The following CLOCK variants were observed in gnomAD, a reference collection of about 807,000 sequenced individuals.
CLOCK encodes the protein clock circadian regulator.
In CLOCK, 43 loss-of-function variants were observed where a neutral mutation model predicts 118.4. That is an observed-to-expected ratio of 0.36 (90% CI 0.28 to 0.47). CLOCK has a LOEUF of 0.47. Ranked by LOEUF, CLOCK falls within the 20% of genes least tolerant of loss-of-function variation. CLOCK has a pLI of 1.00. For missense variants in CLOCK, 846 were observed against 999.9 expected (o/e 0.85, Z 2.08); for synonymous variants, 326 against 339.2 (o/e 0.96, Z 0.43).
In CLOCK at chr4:55,442,652, A is replaced by G; in HGVS notation, c.1903-18T>C. ...TGTTGACTCTGTTAAAAATAAAGAG[A>G]TTTTATAGACAGATTAACTGAAAAT... On this transcript the variant is annotated intron_variant, in intron 20 of 22. Transcript: ENST00000513440. 6.3e-7 allele frequency: 1 copy of G among 1,591,818 alleles called. No homozygotes were observed. The highest frequency in any genetic ancestry group is 8.6e-7 in the Non-Finnish European group (1 of 1,160,658).
chr4:55,458,928 T>TAC lies in CLOCK; in HGVS notation c.754_755dup (p.Ala253Ter). 6.2e-7 allele frequency: 1 copy of TAC among 1,613,752 alleles called. No individual in the cohort carries two copies. The highest frequency in any genetic ancestry group is 8.5e-7 in the Non-Finnish European group (1 of 1,179,784). The stretch of plus-strand genomic sequence containing the variant: ...GAGGTGTAGCTAACCTGACAGTAGC[T>TAC]ACAAAACAAACTCTATCTTCATAAG... On this transcript the variant is annotated frameshift_variant, in exon 11 of 23. Coordinates refer to ENST00000513440, the MANE Select transcript of CLOCK (RefSeq NM_004898.4). LOFTEE classifies it high-confidence loss of function.
At chr4:55,460,362 G>A (rs1472634403) in intron 9 of CLOCK, among the ~76,000 whole-genome samples, 1 of 152,176 alleles carries the variant, frequency 6.6e-6, no homozygotes, top group Non-Finnish European at 1.5e-5. Context: ...CCTATCATTT[G>A]CTTTCAGGAC....
At chr4:55,440,490 T>C (rs1051391931) in intron 21 of CLOCK, among the ~76,000 whole-genome samples, 4 of 152,226 alleles carry the variant, frequency 2.6e-5, no homozygotes, top group Admixed American at 6.5e-5. Flanking sequence ...ATGACATAAC[T>C]GTATTTACAA....
In CLOCK at chr4:55,453,839, G is replaced by C; in HGVS notation, c.983-15C>G. On this transcript the variant is annotated splice_polypyrimidine_tract_variant and intron_variant, in intron 13 of 22. Coordinates refer to ENST00000513440, the MANE Select transcript of CLOCK (RefSeq NM_004898.4). ...ATATTGCATTACTAAAAGGAAAATA[G>C]AGAAATATTTTTTCTTTAATTCATA... 6.4e-7 allele frequency: 1 copy of C among 1,564,898 alleles called. No homozygotes were observed. Among genetic ancestry groups the C allele is most frequent in the Middle Eastern group, 1.7e-4 (1 of 5,904 alleles).
chr4:55,443,391 C>T (rs1011541201), intron 20 of CLOCK, among the ~76,000 whole-genome samples: 8 of 150,996 alleles, frequency 5.3e-5, no homozygotes, highest in African/African-American at 1.7e-4. Context: ...AGGAGAATCG[C>T]TTCAACCCAG....
chr4:55,509,912 C>A lies in CLOCK; in HGVS notation c.-136G>T, dbSNP rs1729033554. 3 of 152,018 alleles carry A rather than the reference C, an allele frequency of 2.0e-5. No individual in the cohort carries two copies. The highest frequency in any genetic ancestry group is 4.4e-5 in the Non-Finnish European group (3 of 68,000). The allele number at this position is 152,018 out of a possible 1,614,324, so 9.4% of individuals were successfully genotyped here. On this transcript the variant is annotated splice_region_variant and 5_prime_UTR_variant, in exon 2 of 23. Transcript: ENST00000513440. ...GGGAAAAGAAACAAAGATAGCATAC[C>A]TTTGAGCTCAAAATGATGATTGAAG...
In CLOCK at chr4:55,438,353, C is replaced by T; in HGVS notation, c.2290G>A (p.Glu764Lys). ...TGCTGAACTGAAGTGAGCTGCTGCT[C>T]CTGGGAGCTCTGCTGCTGCTGCTGC... ...TQQQQQQSSQEQQLTSVQQPS... is the reference protein window; with the variant it reads ...TQQQQQQSSQKQQLTSVQQPS... Residue 764 changes from glutamate to lysine, a missense_variant, in exon 22 of 23, where the codon GAG (glutamate) becomes AAG (lysine). Physicochemically the swap from Glu to Lys is moderately conservative, Grantham distance 56. Around this residue, in one of 4 missense-constraint regions of CLOCK, gnomAD observed 520 missense variants for 558.0 expected, o/e 0.93. Transcript: ENST00000513440. The T allele has an allele frequency of 1.9e-6, 3 of 1,613,960 alleles. No homozygotes were observed. The highest frequency in any genetic ancestry group is 2.5e-6 in the Non-Finnish European group (3 of 1,179,994).
At chr4:55,480,661 C>G (rs911403475) in intron 4 of CLOCK, among the ~76,000 whole-genome samples, 1 of 152,090 alleles carries the variant, frequency 6.6e-6, no homozygotes, top group African/African-American at 2.4e-5. Context: ...GAGGCCGAGG[C>G]GGGCGGATCA....
chr4:55,432,033 TAACA>T lies in CLOCK; in HGVS notation c.*3378_*3381del, dbSNP rs1445559066. Reference sequence around the variant, plus strand: ...TCACTATTTTGCACTGAATGTTCTATAACAAACTATTCCAAATCACTGGCATCTT... The same window carrying T: ...TCACTATTTTGCACTGAATGTTCTATAACTATTCCAAATCACTGGCATCTT... On this transcript the variant is annotated 3_prime_UTR_variant, in exon 23 of 23. Transcript: ENST00000513440. The T allele has an allele frequency of 6.6e-6, 1 of 152,218 alleles. No individual in the cohort carries two copies. The highest frequency in any genetic ancestry group is 1.5e-5 in the Non-Finnish European group (1 of 68,042). The allele number at this position is 152,218 out of a possible 1,614,324, so 9.4% of individuals were successfully genotyped here.
At chr4:55,458,077 C>T (rs929627511) in intron 11 of CLOCK, among the ~76,000 whole-genome samples, 4 of 152,074 alleles carry the variant, frequency 2.6e-5, no homozygotes. Context: ...TGATGTCCCC[C>T]CAAATTTATT....
intron 3 of CLOCK, among the ~76,000 whole-genome samples, chr4:55,488,514 T>C (rs1727459051): frequency 6.6e-6 from 1 of 152,214 alleles, no homozygotes; most frequent in Non-Finnish European, 1.5e-5. Flanking sequence ...CTGATCTCCA[T>C]ATATTCTCCC....
At chr4:55,440,848 C>A (rs1028693256) in intron 21 of CLOCK, among the ~76,000 whole-genome samples, 3 of 152,154 alleles carry the variant, frequency 2.0e-5, no homozygotes, top group Non-Finnish European at 4.4e-5. Context: ...CCATGCCACA[C>A]CCACATCCAA....
chr4:55,488,536 G>A (rs1727462531), intron 3 of CLOCK, among the ~76,000 whole-genome samples: 1 of 152,062 alleles, frequency 6.6e-6, no homozygotes, highest in Non-Finnish European at 1.5e-5. Flanking sequence ...ATCATTTACT[G>A]TATTCCAGTC....
chr4:55,442,198 TATA>T (rs1723425572), intron 21 of CLOCK: 1 of 521,714 alleles, frequency 1.9e-6, no homozygotes, highest in South Asian at 2.3e-5. Flanking sequence ...ATTTGTATTC[TATA>T]ATATTTTGTA....
At chr4:55,464,299 A>T (rs1185517239) in intron 8 of CLOCK, among the ~76,000 whole-genome samples, 1 of 152,288 alleles carries the variant, frequency 6.6e-6, no homozygotes, top group East Asian at 1.9e-4. Context: ...CCTTGTGTTT[A>T]GTTATCCCCC....
chr4:55,433,162 A>G lies in CLOCK; in HGVS notation c.*2253T>C, dbSNP rs1722634185. On this transcript the variant is annotated 3_prime_UTR_variant, in exon 23 of 23. Transcript: ENST00000513440. The stretch of plus-strand genomic sequence containing the variant: ...AGGGGAGAAGAACAATGCTATTGCC[A>G]TATTCCACAACATCCCCCTTGTCTG... 1 of 152,676 alleles carries G rather than the reference A, an allele frequency of 6.5e-6. No homozygotes were observed. The highest frequency in any genetic ancestry group is 6.5e-5 in the Admixed American group (1 of 15,286). The allele number at this position is 152,676 out of a possible 1,614,324, so 9.5% of individuals were successfully genotyped here. A position where few individuals can be genotyped will look rare whatever the true frequency, so the allele number is the denominator to read the frequency against.
At chr4:55,474,493 C>T (rs956344111) in intron 7 of CLOCK, among the ~76,000 whole-genome samples, 1 of 152,190 alleles carries the variant, frequency 6.6e-6, no homozygotes, top group African/African-American at 2.4e-5. Flanking sequence ...GGTCGCTACA[C>T]TAGATACCAG....
intron 8 of CLOCK, among the ~76,000 whole-genome samples, chr4:55,466,111 C>T (rs1725720313): frequency 6.6e-6 from 1 of 152,122 alleles, no homozygotes; most frequent in Non-Finnish European, 1.5e-5. Context: ...TTGTTGTTCC[C>T]ATAATCCCCA....
intron 7 of CLOCK, among the ~76,000 whole-genome samples, 172 bp from the exon 8 acceptor site, chr4:55,470,978 T>C (rs931990755): frequency 6.6e-6 from 1 of 152,188 alleles, no homozygotes; most frequent in Non-Finnish European, 1.5e-5. Context: ...TCTTTGTTCA[T>C]TTTTAAATGC....
Sources: allele counts gnomAD v4.1 joint callset (sites outside exome capture counted in the v4.1 genomes callset), GRCh38; gene constraint gnomAD v4.1.1; regional missense constraint gnomAD v4.1.1; transcripts MANE v1.5; gene names NCBI Gene and HGNC (gene_info 2026-07-23, HGNC 2026-07-21).